Variants in TNIK observed in about 807,000 individuals in gnomAD.
TNIK encodes the protein TRAF2 and NCK interacting kinase.
Under a neutral mutation model 191.3 loss-of-function variants are expected in TNIK, and 49 were observed. The ratio of observed to expected loss-of-function variants is 0.26; its 90% CI spans 0.20 to 0.32. The LOEUF (loss-of-function observed/expected upper bound fraction) is 0.32, where lower values mean the gene tolerates loss of function less well. TNIK is among the 10% of genes least tolerant of loss of function. The pLI, the probability that TNIK is intolerant of heterozygous loss-of-function variation, is 1.00. For missense variants in TNIK, 1,155 were observed against 1,702.3 expected, an observed-to-expected ratio of 0.68 and a Z score of 5.66; for synonymous variants, 594 against 600.9, an observed-to-expected ratio of 0.99 and a Z score of 0.17.
At chr3:171,263,427 G>A (rs919772856) in intron 2 of TNIK, among the ~76,000 whole-genome samples, 2 of 152,150 alleles carry the variant, frequency 1.3e-5, no homozygotes, top group South Asian at 4.1e-4. Flanking sequence ...GACTGTACCA[G>A]ACTGCAACTC....
At chr3:171,380,025 A>G (rs963753309) in intron 1 of TNIK, among the ~76,000 whole-genome samples, 223 of 64,580 alleles carry the variant, frequency 3.5e-3, no homozygotes, top group Non-Finnish European at 5.4e-3. Flanking sequence ...ACACACACAC[A>G]CGCGCACACA....
chr3:171,094,568 T>G (rs974124216), intron 22 of TNIK, among the ~76,000 whole-genome samples: 2 of 152,188 alleles, frequency 1.3e-5, no homozygotes, highest in Non-Finnish European at 2.9e-5. Context: ...AACACTGAAG[T>G]TGGCACCAGG....
At chr3:171,407,458 A>T (rs770355594) in intron 1 of TNIK, among the ~76,000 whole-genome samples, 13 of 152,180 alleles carry the variant, frequency 8.5e-5, no homozygotes, top group South Asian at 2.1e-4. Flanking sequence ...GTTGGAGGAC[A>T]GTTGGTTACC....
At chr3:171,263,586 T>C (rs540158339) in intron 2 of TNIK, among the ~76,000 whole-genome samples, 2 of 152,184 alleles carry the variant, frequency 1.3e-5, no homozygotes, top group Non-Finnish European at 2.9e-5. Context: ...AATGTCTATA[T>C]GCAATGATGT....
intron 31 of TNIK, 35 bp downstream of exon 31, chr3:171,066,541 T>C: frequency 6.2e-7 from 1 of 1,612,484 alleles, no homozygotes; most frequent in Non-Finnish European, 8.5e-7. Flanking sequence ...TTGGGGGGTG[T>C]AACTGCTGAA....
At chr3:171,175,837 TTC>T (rs1735892658) in intron 8 of TNIK, among the ~76,000 whole-genome samples, 1 of 152,220 alleles carries the variant, frequency 6.6e-6, no homozygotes, top group Admixed American at 6.5e-5. Context: ...GAGCCCCATT[TTC>T]TCTGTTTCCA....
chr3:171,256,250 T>C (rs11921675), intron 2 of TNIK, among the ~76,000 whole-genome samples: 4,471 of 152,200 alleles, frequency 0.029, 207 homozygotes, highest in African/African-American at 0.1. Flanking sequence ...TATTAGAAAT[T>C]TTCACACTGC....
At chr3:171,071,192 G>A in intron 29 of TNIK, 31 bp downstream of exon 29, 1 of 1,535,220 alleles carries the variant, frequency 6.5e-7, no homozygotes, top group South Asian at 1.3e-5. Context: ...TTTTTAAAAA[G>A]CACATTTTAG....
chr3:171,138,934 T>C (rs1240548857), intron 14 of TNIK, among the ~76,000 whole-genome samples: 1 of 152,046 alleles, frequency 6.6e-6, no homozygotes, highest in Non-Finnish European at 1.5e-5. Flanking sequence ...AAAAAGCCCA[T>C]CTGGAGAGCA....
intron 2 of TNIK, among the ~76,000 whole-genome samples, chr3:171,334,577 T>C (rs1232114594): frequency 6.6e-6 from 1 of 152,148 alleles, no homozygotes. Context: ...CTTCTAAAAA[T>C]AGTCTAGAAT....
At chr3:171,189,358 A>G (rs1438188306) in intron 6 of TNIK, among the ~76,000 whole-genome samples, 1 of 152,100 alleles carries the variant, frequency 6.6e-6, no homozygotes, top group Non-Finnish European at 1.5e-5. Context: ...TACCTTTTCT[A>G]TATTGTGAAT....
intron 1 of TNIK, among the ~76,000 whole-genome samples, chr3:171,420,516 T>C (rs1434901769): frequency 2.6e-5 from 4 of 152,172 alleles, no homozygotes; most frequent in Non-Finnish European, 4.4e-5. Context: ...AGAATAGCTA[T>C]GAGTGCAAGA....
At chr3:171,286,235 G>C (rs563163376) in intron 2 of TNIK, among the ~76,000 whole-genome samples, 2 of 152,238 alleles carry the variant, frequency 1.3e-5, no homozygotes, top group South Asian at 4.2e-4. Context: ...ATCCACCACT[G>C]TAACAGATAT....
intron 18 of TNIK, among the ~76,000 whole-genome samples, chr3:171,113,284 G>C (rs1163935930): frequency 6.6e-6 from 1 of 152,008 alleles, no homozygotes; most frequent in Non-Finnish European, 1.5e-5. Context: ...ATTACCGACG[G>C]GTAGACGATT....
intron 2 of TNIK, among the ~76,000 whole-genome samples, chr3:171,322,953 G>A (rs1027538472): frequency 1.3e-5 from 2 of 151,296 alleles, no homozygotes; most frequent in East Asian, 1.9e-4. Flanking sequence ...ACACTGGTAA[G>A]TGTTTGGGGA....
At chr3:171,218,644 G>T (rs1335499848) in intron 3 of TNIK, among the ~76,000 whole-genome samples, 1 of 147,410 alleles carries the variant, frequency 6.8e-6, no homozygotes, top group African/African-American at 2.5e-5. Flanking sequence ...ATTTCAATTT[G>T]CTTTTCCTTC....
chr3:171,139,764 C>T (rs138969928), intron 13 of TNIK, among the ~76,000 whole-genome samples: 9 of 152,324 alleles, frequency 5.9e-5, no homozygotes, highest in Non-Finnish European at 1.0e-4. Flanking sequence ...CCTCTACCTG[C>T]AACAGCTGAC....
intron 2 of TNIK, among the ~76,000 whole-genome samples, chr3:171,295,893 T>G (rs114992828): frequency 2.0e-5 from 3 of 152,168 alleles, no homozygotes; most frequent in Non-Finnish European, 4.4e-5. Flanking sequence ...CCAGGATCTT[T>G]CTTTGACGCC....
intron 12 of TNIK, among the ~76,000 whole-genome samples, chr3:171,143,180 A>G (rs1344753520): frequency 1.3e-5 from 2 of 152,338 alleles, no homozygotes; most frequent in East Asian, 3.9e-4. Flanking sequence ...TCCTGTGGTG[A>G]GGTTGGAAAA....
Sources: allele counts gnomAD v4.1 joint callset (sites outside exome capture counted in the v4.1 genomes callset), GRCh38; gene constraint gnomAD v4.1.1; transcripts MANE v1.5; gene names NCBI Gene and HGNC (gene_info 2026-07-23, HGNC 2026-07-21).